Variants in KCNIP4 observed in about 807,000 individuals in gnomAD.
KCNIP4 encodes the protein Kv channel-interacting protein 4.
A neutral mutation model predicts 34.0 loss-of-function variants in KCNIP4; 12 were observed. The observed-to-expected ratio is 0.35, with a 90% CI of 0.23 to 0.57. The LOEUF (loss-of-function observed/expected upper bound fraction) is 0.57, where lower values mean the gene tolerates loss of function less well. Among genes scored for constraint, KCNIP4 ranks in the 20% least tolerant of loss-of-function variants. The pLI, the probability that KCNIP4 is intolerant of heterozygous loss-of-function variation, is 0.83. For missense variants in KCNIP4, 238 were observed against 311.7 expected, an observed-to-expected ratio of 0.76 and a Z score of 1.78; for synonymous variants, 124 against 102.2, an observed-to-expected ratio of 1.21 and a Z score of -1.29.
At position 21,000,089 on chromosome 4, in the gene KCNIP4, T is replaced by C. The variant is rs143360059; in HGVS notation, c.62-117380A>G. ...CAGTGTAGACCCTTCCTACGTCCCT[T>C]GTCTTAGAATGGTGAATTTTCCAGG... On this transcript the variant is annotated intron_variant, in intron 1 of 8. Coordinates refer to ENST00000382152, the MANE Select transcript of KCNIP4 (RefSeq NM_025221.6). Among the ~76,000 whole-genome samples the C allele has an allele frequency of 3.1e-3, 474 of 152,272 alleles. 1 individual carries two copies. Among genetic ancestry groups the C allele is most frequent in the African/African-American group, 0.011 (453 of 41,566 alleles).
chr4:21,911,108 T>A, intron 1 of KCNIP4, among the ~76,000 whole-genome samples: 1 of 152,118 alleles, frequency 6.6e-6, no homozygotes, highest in African/African-American at 2.4e-5. Context: ...AAAAGATCAA[T>A]TTTGGCAACT....
chr4:21,318,924 C>G (rs1367509711), intron 1 of KCNIP4, among the ~76,000 whole-genome samples: 1 of 152,014 alleles, frequency 6.6e-6, no homozygotes, highest in East Asian at 1.9e-4. Flanking sequence ...GAAAAAAACT[C>G]AACATAATCC....
intron 3 of KCNIP4, among the ~76,000 whole-genome samples, chr4:20,807,258 T>C (rs1444283213): frequency 6.6e-6 from 1 of 152,196 alleles, no homozygotes; most frequent in Non-Finnish European, 1.5e-5. Flanking sequence ...AATGTTAGTC[T>C]TCTTTATTTT....
At chr4:21,872,276 G>C (rs558450818) in intron 1 of KCNIP4, among the ~76,000 whole-genome samples, 2 of 152,226 alleles carry the variant, frequency 1.3e-5, no homozygotes, top group South Asian at 2.1e-4. Context: ...CAGGCCCCCT[G>C]AGAAACGTGA....
At chr4:20,980,316 A>C (rs779759875) in intron 1 of KCNIP4, among the ~76,000 whole-genome samples, 2 of 152,214 alleles carry the variant, frequency 1.3e-5, no homozygotes, top group Non-Finnish European at 2.9e-5. Context: ...TACAAACTAA[A>C]GTATGAAATG....
chr4:21,158,112 A>T (rs1279463802), intron 1 of KCNIP4, among the ~76,000 whole-genome samples: 2 of 152,258 alleles, frequency 1.3e-5, no homozygotes, highest in East Asian at 3.9e-4. Flanking sequence ...CTCAGGAAGA[A>T]ATAGGTACTC....
chr4:21,826,651 AT>A (rs1438855346), intron 1 of KCNIP4, among the ~76,000 whole-genome samples: 1 of 152,140 alleles, frequency 6.6e-6, no homozygotes, highest in African/African-American at 2.4e-5. Context: ...TGTGAAAAAA[AT>A]AAAGACAAAT....
chr4:21,478,088 G>A (rs573348851), intron 1 of KCNIP4, among the ~76,000 whole-genome samples: 10 of 151,830 alleles, frequency 6.6e-5, no homozygotes, highest in Non-Finnish European at 1.2e-4. Flanking sequence ...TCTTCTTTTT[G>A]TATATTGCAT....
chr4:21,317,874 G>A (rs893966346), intron 1 of KCNIP4, among the ~76,000 whole-genome samples: 3 of 152,194 alleles, frequency 2.0e-5, no homozygotes, highest in Admixed American at 6.5e-5. Context: ...CTTGTCTGCT[G>A]CCATGTGAGG....
chr4:21,058,208 C>A (rs1277030103), intron 1 of KCNIP4, among the ~76,000 whole-genome samples: 3 of 151,978 alleles, frequency 2.0e-5, no homozygotes, highest in Admixed American at 2.0e-4. Flanking sequence ...CTTTTAGTGG[C>A]CAATGAGGAA....
Position 21,370,832 on chromosome 4 carries a change from T to C in KCNIP4, c.62-488123A>G, listed in dbSNP as rs1458133192. On this transcript the variant is annotated intron_variant, in intron 1 of 8. Coordinates refer to ENST00000382152, the MANE Select transcript of KCNIP4 (RefSeq NM_025221.6). The stretch of plus-strand genomic sequence containing the variant: ...ATATATATATATATATATATATATA[T>C]ATATATATATATATATATACACACA... Among the ~76,000 whole-genome samples, 4 of 32,266 alleles carry C rather than the reference T, an allele frequency of 1.2e-4. 1 individual carries two copies. Among genetic ancestry groups the C allele is most frequent in the African/African-American group, 3.6e-4 (2 of 5,540 alleles). The allele number at this position is 32,266 out of a possible 152,430, so 21.2% of individuals were successfully genotyped here.
At chr4:21,639,668 A>T (rs1473865857) in intron 1 of KCNIP4, among the ~76,000 whole-genome samples, 1 of 152,198 alleles carries the variant, frequency 6.6e-6, no homozygotes, top group African/African-American at 2.4e-5. Flanking sequence ...GAAAACTTTT[A>T]AAAATATTGT....
intron 1 of KCNIP4, among the ~76,000 whole-genome samples, chr4:21,223,873 C>A (rs1366711844): frequency 2.0e-5 from 3 of 151,924 alleles, no homozygotes; most frequent in Non-Finnish European, 4.4e-5. Flanking sequence ...AGCCCTTAGT[C>A]ATCTTTGTTC....
intron 2 of KCNIP4, among the ~76,000 whole-genome samples, chr4:20,873,179 G>A (rs1198367547): frequency 1.3e-5 from 2 of 152,158 alleles, no homozygotes; most frequent in Non-Finnish European, 2.9e-5. Context: ...CAGTCTAGTG[G>A]TAAAGACACT....
chr4:20,880,770 CTT>C (rs534354094), intron 2 of KCNIP4, among the ~76,000 whole-genome samples: 58 of 152,284 alleles, frequency 3.8e-4, no homozygotes, highest in African/African-American at 1.2e-3. Flanking sequence ...AACCAACAAT[CTT>C]TGACAAATAG....
At position 21,519,759 on chromosome 4, in the gene KCNIP4, GTA is replaced by G. The variant is rs201493566; in HGVS notation, c.61+428810_61+428811del. Among the ~76,000 whole-genome samples, 80 of 139,820 alleles carry G rather than the reference GTA, an allele frequency of 5.7e-4. 2 individuals are homozygous for G. Among genetic ancestry groups the G allele is most frequent in the African/African-American group, 2.1e-3 (76 of 36,848 alleles). The allele number at this position is 139,820 out of a possible 152,430, so 91.7% of individuals were successfully genotyped here. ...ATGTATGATACACACGTGTGTGTATGTATGTGTGTATACACACGTGTGTGTAT... is the reference window on the plus strand; with the variant it reads ...ATGTATGATACACACGTGTGTGTATGTGTGTGTATACACACGTGTGTGTAT... On this transcript the variant is annotated intron_variant, in intron 1 of 8. Coordinates refer to ENST00000382152, the MANE Select transcript of KCNIP4 (RefSeq NM_025221.6).
intron 1 of KCNIP4, among the ~76,000 whole-genome samples, chr4:21,565,882 A>C (rs1739844362): frequency 6.6e-6 from 1 of 152,160 alleles, no homozygotes; most frequent in South Asian, 2.1e-4. Context: ...AGACCAAATC[A>C]AAGAAAGCTT....
At chr4:21,911,403 T>A (rs1292149458) in intron 1 of KCNIP4, among the ~76,000 whole-genome samples, 1 of 151,940 alleles carries the variant, frequency 6.6e-6, no homozygotes, top group African/African-American at 2.4e-5. Context: ...AACTGTCTAG[T>A]ACTTCCTAAC....
intron 3 of KCNIP4, among the ~76,000 whole-genome samples, chr4:20,842,636 C>T (rs1212349488): frequency 8.2e-6 from 1 of 121,578 alleles, no homozygotes; most frequent in Non-Finnish European, 1.6e-5. Context: ...TAAGTAGGAA[C>T]TGACTGGTTT....
Sources: allele counts gnomAD v4.1 joint callset (sites outside exome capture counted in the v4.1 genomes callset), GRCh38; gene constraint gnomAD v4.1.1; transcripts MANE v1.5; gene names NCBI Gene and HGNC (gene_info 2026-07-23, HGNC 2026-07-21).